SLC31A1: variants seen among roughly 807,000 people sequenced by gnomAD.
SLC31A1 encodes the protein high affinity copper uptake protein 1.
A neutral mutation model predicts 17.2 loss-of-function variants in SLC31A1; 5 were observed. The ratio of observed to expected loss-of-function variants is 0.29; its 90% confidence interval spans 0.15 to 0.61. SLC31A1 has a LOEUF of 0.61. Among genes scored for constraint, SLC31A1 ranks in the 20% least tolerant of loss-of-function variants. The pLI is 0.86. For missense variants in SLC31A1, 161 were observed against 241.4 expected, an observed-to-expected ratio of 0.67 and a Z score of 2.21; for synonymous variants, 76 against 78.8, an observed-to-expected ratio of 0.96 and a Z score of 0.19.
At chr9:113,252,347 G>A (rs1046400918) in intron 1 of SLC31A1, among the ~76,000 whole-genome samples, 7 of 152,318 alleles carry the variant, frequency 4.6e-5, no homozygotes, top group Admixed American at 2.6e-4. Context: ...GCAGGCTGGA[G>A]TGCAATGGCA....
rs2118524093 is a variant in SLC31A1 at position 113,261,763 on chromosome 9, T to TA, written c.*1291dup. The TA allele has an allele frequency of 6.5e-6, 1 of 152,760 alleles. No homozygotes were observed. Among genetic ancestry groups the TA allele is most frequent in the Admixed American group, 6.5e-5 (1 of 15,296 alleles). The allele number at this position is 152,760 out of a possible 1,614,324, so 9.5% of individuals were successfully genotyped here. A position where few individuals can be genotyped will look rare whatever the true frequency, so the allele number is the denominator to read the frequency against. Reference sequence around the variant, plus strand: ...GGCACTTCTGAGTTCCTGCTGATGTTACAAGGGACCACACTTTTGAGAATC... The same window carrying TA: ...GGCACTTCTGAGTTCCTGCTGATGTTAACAAGGGACCACACTTTTGAGAATC... On this transcript the variant is annotated 3_prime_UTR_variant, in exon 5 of 5. Coordinates refer to ENST00000374212, the MANE Select transcript of SLC31A1 (RefSeq NM_001859.4).
intron 1 of SLC31A1, among the ~76,000 whole-genome samples, chr9:113,247,686 A>G (rs1831597461): frequency 1.3e-5 from 2 of 152,190 alleles, no homozygotes; most frequent in Non-Finnish European, 1.5e-5. Context: ...ACTCTTGACT[A>G]TAAGGAGGTT....
At chr9:113,248,772 C>T (rs934934947) in intron 1 of SLC31A1, among the ~76,000 whole-genome samples, 4 of 152,048 alleles carry the variant, frequency 2.6e-5, no homozygotes, top group Non-Finnish European at 2.9e-5. Context: ...AGCCACTGTG[C>T]GCAGGCTTGA....
At chr9:113,235,464 T>G (rs1587989213) in intron 1 of SLC31A1, among the ~76,000 whole-genome samples, 1 of 152,190 alleles carries the variant, frequency 6.6e-6, no homozygotes, top group Non-Finnish European at 1.5e-5. Context: ...CAAAGGAAAC[T>G]ATAGAGCAAT....
intron 1 of SLC31A1, among the ~76,000 whole-genome samples, chr9:113,224,084 C>T (rs1831315741): frequency 6.6e-6 from 1 of 152,102 alleles, no homozygotes; most frequent in Admixed American, 6.5e-5. Flanking sequence ...GACCCTGTTG[C>T]CTGTTTTTAT....
At chr9:113,234,065 C>T (rs1459140573) in intron 1 of SLC31A1, among the ~76,000 whole-genome samples, 1 of 152,208 alleles carries the variant, frequency 6.6e-6, no homozygotes, top group Non-Finnish European at 1.5e-5. Flanking sequence ...CAATCCCACC[C>T]TCACCCCACC....
rs1228557789 is a variant in SLC31A1, at chr9:113,264,183, G to T, written c.*3710G>T. On this transcript the variant is annotated 3_prime_UTR_variant, in exon 5 of 5. Coordinates refer to ENST00000374212, the MANE Select transcript of SLC31A1 (RefSeq NM_001859.4). ...ACAAAAATTAGCTGGGCGTGGTGGT[G>T]CATGCCTGTAATCCCAGCTACTCGG... The T allele has an allele frequency of 3.3e-5, 5 of 152,086 alleles. No homozygotes were observed. Among genetic ancestry groups the T allele is most frequent in the Admixed American group, 3.3e-4 (5 of 15,250 alleles). 9.4% of individuals were successfully genotyped at this position (152,086 alleles called of 1,614,324 possible). A position where few individuals can be genotyped will look rare whatever the true frequency, so the allele number is the denominator to read the frequency against.
At chr9:113,237,398 T>C (rs962565026) in intron 1 of SLC31A1, among the ~76,000 whole-genome samples, 3 of 152,214 alleles carry the variant, frequency 2.0e-5, no homozygotes, top group Non-Finnish European at 2.9e-5. Context: ...GAATATCCAA[T>C]TGTGCCTCAA....
chr9:113,251,413 CTCTA>C (rs926905426), intron 1 of SLC31A1, among the ~76,000 whole-genome samples: 2 of 151,350 alleles, frequency 1.3e-5, no homozygotes, highest in African/African-American at 4.9e-5. Context: ...CAGAGTGAGA[CTCTA>C]TCTAAAAAAA....
chr9:113,245,842 C>T lies in SLC31A1; in HGVS notation c.-35-10272C>T, dbSNP rs949341849. Among the ~76,000 whole-genome samples the T allele has an allele frequency of 3.9e-5, 6 of 152,092 alleles. 1 individual carries two copies. Among genetic ancestry groups the T allele is most frequent in the Admixed American group, 3.3e-4 (5 of 15,270 alleles). On this transcript the variant is annotated intron_variant, in intron 1 of 4. Transcript: ENST00000374212. ...AGAGATGGGGTTTCCTCATGTTGCC[C>T]AGGCGGGTCTGAAACTCCTGGGCTT...
At chr9:113,223,059 C>A (rs1206546413) in intron 1 of SLC31A1, among the ~76,000 whole-genome samples, 1 of 146,648 alleles carries the variant, frequency 6.8e-6, no homozygotes, top group East Asian at 2.2e-4. Context: ...CCAGCCTTTT[C>A]TTTAAAAAAA....
intron 1 of SLC31A1, among the ~76,000 whole-genome samples, chr9:113,235,471 C>T (rs1831447408): frequency 1.3e-5 from 2 of 152,130 alleles, no homozygotes; most frequent in African/African-American, 4.8e-5. Context: ...AACTATAGAG[C>T]AATGAAAAAT....
At chr9:113,223,323 C>G in intron 1 of SLC31A1, 1 of 342,286 alleles carries the variant, frequency 2.9e-6, no homozygotes, top group Non-Finnish European at 5.6e-6. Context: ...GGACTGGGTG[C>G]ACCTAAAAAA....
At chr9:113,247,306 G>A (rs1469289569) in intron 1 of SLC31A1, among the ~76,000 whole-genome samples, 8 of 152,306 alleles carry the variant, frequency 5.3e-5, no homozygotes, top group African/African-American at 1.9e-4. Flanking sequence ...TGGAAGCCAG[G>A]AAAGACAGGC....
chr9:113,235,752 G>GA (rs1491313056), intron 1 of SLC31A1, among the ~76,000 whole-genome samples: 24 of 152,168 alleles, frequency 1.6e-4, no homozygotes, highest in Admixed American at 3.9e-4. Flanking sequence ...CTTTATGGGG[G>GA]AAAAAAGACG....
chr9:113,259,742 A>G (rs1464888224), intron 4 of SLC31A1, among the ~76,000 whole-genome samples: 1 of 150,600 alleles, frequency 6.6e-6, no homozygotes, highest in Non-Finnish European at 1.5e-5. Flanking sequence ...GAGCCACCAC[A>G]CCCAGCTAAT....
chr9:113,230,375 GCCT>G (rs2118985532), intron 1 of SLC31A1, among the ~76,000 whole-genome samples: 1 of 152,194 alleles, frequency 6.6e-6, no homozygotes, highest in East Asian at 1.9e-4. Context: ...AGATCCTATG[GCCT>G]CAGCCTATAG....
rs1342130757 is a variant in SLC31A1, at chr9:113,258,344, G to A, written c.203-350G>A. Among the ~76,000 whole-genome samples the A allele has an allele frequency of 6.6e-6, 1 of 152,180 alleles. No homozygotes were observed. The highest frequency in any genetic ancestry group is 1.5e-5 in the Non-Finnish European group (1 of 68,038). On this transcript the variant is annotated intron_variant, in intron 3 of 4. Coordinates refer to ENST00000374212, the MANE Select transcript of SLC31A1 (RefSeq NM_001859.4). The surrounding 1 kb of genome is among the most constrained non-coding windows in gnomAD (Gnocchi z 4.8). ...AATGCCTATTCAGGAAATGTAGTCAGCCACTGATGAAACTAAATTGTTTTA... is the reference window on the plus strand; with the variant it reads ...AATGCCTATTCAGGAAATGTAGTCAACCACTGATGAAACTAAATTGTTTTA...
At chr9:113,229,037 C>G (rs10123415) in intron 1 of SLC31A1, among the ~76,000 whole-genome samples, 71,607 of 151,986 alleles carry the variant, frequency 0.47, 17,193 homozygotes, top group South Asian at 0.59. Flanking sequence ...GTAGAGATGG[C>G]GTTTCTCCAT....
Sources: gnomAD v4.1 joint callset for allele counts (sites outside exome capture counted in the v4.1 genomes callset) on GRCh38, gnomAD v4.1.1 for gene constraint, Gnocchi (gnomAD v3.1) non-coding constraint, MANE v1.5 for transcripts, NCBI Gene and HGNC (gene_info 2026-07-23, HGNC 2026-07-21) for gene names.